Variants in CAMTA1 observed in about 807,000 individuals in gnomAD.
CAMTA1 encodes the protein calmodulin-binding transcription activator 1.
Under a neutral mutation model 170.9 loss-of-function variants are expected in CAMTA1, and 27 were observed. The ratio of observed to expected loss-of-function variants is 0.16; its 90% CI spans 0.12 to 0.22. The LOEUF (loss-of-function observed/expected upper bound fraction) is 0.22. Ranked by LOEUF, CAMTA1 falls within the 10% of genes least tolerant of loss-of-function variation. CAMTA1 has a pLI of 1.00. For synonymous variants in CAMTA1, 833 were observed against 891.5 expected (o/e 0.93, Z 1.17); for missense variants, 1,619 against 2,217.2 (o/e 0.73, Z 5.42).
chr1:7,691,747 C>CGAGA (rs144597291), intron 11 of CAMTA1, among the ~76,000 whole-genome samples: 1 of 151,014 alleles, frequency 6.6e-6, no homozygotes, highest in African/African-American at 2.4e-5. Context: ...GACAAGAGAG[C>CGAGA]GAGAGAGAGA....
chr1:6,846,603 T>G (rs1211491480), intron 3 of CAMTA1, among the ~76,000 whole-genome samples: 1 of 152,260 alleles, frequency 6.6e-6, no homozygotes, highest in Admixed American at 6.5e-5. Flanking sequence ...TTTGTCAACT[T>G]TTTAACTAAA....
At chr1:7,589,168 G>T (rs1254743032) in intron 6 of CAMTA1, among the ~76,000 whole-genome samples, 1 of 152,172 alleles carries the variant, frequency 6.6e-6, no homozygotes, top group East Asian at 1.9e-4. Context: ...GGCCGACAGG[G>T]TCAGGGTGTT....
At chr1:7,706,037 G>A (rs2096521413) in intron 11 of CAMTA1, among the ~76,000 whole-genome samples, 1 of 152,196 alleles carries the variant, frequency 6.6e-6, no homozygotes. Flanking sequence ...GTAGATTACT[G>A]CAGACATCAA....
chr1:6,953,269 G>A (rs954288629), intron 3 of CAMTA1, among the ~76,000 whole-genome samples: 9 of 152,164 alleles, frequency 5.9e-5, no homozygotes, highest in Non-Finnish European at 1.2e-4. Flanking sequence ...AGAAACTGTC[G>A]AGAGCTCTCT....
chr1:7,379,917 G>T (rs1050148163), intron 5 of CAMTA1, among the ~76,000 whole-genome samples: 3 of 152,334 alleles, frequency 2.0e-5, no homozygotes, highest in African/African-American at 7.2e-5. Flanking sequence ...GAGACTTGAG[G>T]CTGCGGCCAG....
At position 7,370,931 on chromosome 1, in the gene CAMTA1, A is replaced by ATTTTTTTTT. The variant is rs2086402729; in HGVS notation, c.439-96899_439-96898insTTTTTTTTT. Among the ~76,000 whole-genome samples the ATTTTTTTTT allele has an allele frequency of 2.8e-3, 313 of 113,516 alleles. 2 individuals are homozygous for ATTTTTTTTT. The highest frequency in any genetic ancestry group is 3.6e-3 in the Non-Finnish European group (214 of 59,446). The allele number at this position is 113,516 out of a possible 152,430, so 74.5% of individuals were successfully genotyped here. A position where few individuals can be genotyped will look rare whatever the true frequency, so the allele number is the denominator to read the frequency against. On this transcript the variant is annotated intron_variant, in intron 5 of 22. Coordinates refer to ENST00000303635, the MANE Select transcript of CAMTA1 (RefSeq NM_015215.4). ...CTTTCTTTCTTTTTTTTTTTTTTTG[A>ATTTTTTTTT]GACGGAGTCTCACTCTGTCGCCCAG...
chr1:7,114,447 G>GAA (rs35442405), intron 4 of CAMTA1, among the ~76,000 whole-genome samples: 262 of 137,214 alleles, frequency 1.9e-3, no homozygotes, highest in Non-Finnish European at 2.2e-3. Context: ...TGATAAGCCA[G>GAA]AAAAAACAAA....
At chr1:7,401,186 G>A (rs115442819) in intron 5 of CAMTA1, among the ~76,000 whole-genome samples, 248 of 152,002 alleles carry the variant, frequency 1.6e-3, no homozygotes, top group Middle Eastern at 6.8e-3. Context: ...ATTTGTATAC[G>A]GTGCAAGGTA....
chr1:7,583,109 C>A (rs565238057), intron 6 of CAMTA1, among the ~76,000 whole-genome samples: 1 of 152,048 alleles, frequency 6.6e-6, no homozygotes, highest in Non-Finnish European at 1.5e-5. Context: ...GGTGAGGCAG[C>A]GCCCTGTCTT....
At chr1:7,753,057 C>T (rs1193807108) in intron 21 of CAMTA1, among the ~76,000 whole-genome samples, 1 of 152,104 alleles carries the variant, frequency 6.6e-6, no homozygotes, top group African/African-American at 2.4e-5. Flanking sequence ...CAATTAAAGC[C>T]GGTCCGTGAT....
rs1652217894 is a variant in CAMTA1, at chr1:7,181,778, T to A, written c.303-67713T>A. 2.6e-5 allele frequency among the ~76,000 whole-genome samples: 3 copies of A among 113,392 alleles called. No homozygotes were observed. In the South Asian group the frequency reaches 7.9e-4, roughly 30 times the overall value. 74.4% of individuals were successfully genotyped at this position (113,392 alleles called of 152,430 possible). ...GGATTGATTTAACATCATAAAAAAGTTTGTCCCAAGTTAATTTATGAATTT... is the reference window on the plus strand; with the variant it reads ...GGATTGATTTAACATCATAAAAAAGATTGTCCCAAGTTAATTTATGAATTT... On this transcript the variant is annotated intron_variant, in intron 4 of 22. Coordinates refer to ENST00000303635, the MANE Select transcript of CAMTA1 (RefSeq NM_015215.4).
chr1:7,319,842 T>G (rs1486653456), intron 5 of CAMTA1, among the ~76,000 whole-genome samples: 1 of 151,102 alleles, frequency 6.6e-6, no homozygotes, highest in Non-Finnish European at 1.5e-5. Flanking sequence ...GTGGATGTTT[T>G]TGATGCTATA....
chr1:7,243,671 A>T (rs900189711), intron 4 of CAMTA1, among the ~76,000 whole-genome samples: 2 of 152,212 alleles, frequency 1.3e-5, no homozygotes, highest in Non-Finnish European at 2.9e-5. Flanking sequence ...TGACGCCTCC[A>T]GCTTTGTTCT....
At chr1:7,493,376 CACACAA>C (rs1309392967) in intron 6 of CAMTA1, among the ~76,000 whole-genome samples, 6 of 74,634 alleles carry the variant, frequency 8.0e-5, no homozygotes, top group African/African-American at 7.4e-4. Flanking sequence ...CACGTGCGCA[CACACAA>C]ACAAACACGT....
chr1:7,423,148 C>T (rs2091671907), intron 5 of CAMTA1, among the ~76,000 whole-genome samples: 1 of 152,208 alleles, frequency 6.6e-6, no homozygotes, highest in Non-Finnish European at 1.5e-5. Flanking sequence ...GGGCCTGGCC[C>T]CGGGCCAAGC....
chr1:7,130,820 C>T (rs1473918930), intron 4 of CAMTA1, among the ~76,000 whole-genome samples: 1 of 152,170 alleles, frequency 6.6e-6, no homozygotes, highest in African/African-American at 2.4e-5. Context: ...GTACATATTC[C>T]AATCTTTTGC....
At chr1:6,855,061 T>C (rs1661764077) in intron 3 of CAMTA1, among the ~76,000 whole-genome samples, 1 of 152,098 alleles carries the variant, frequency 6.6e-6, no homozygotes, top group African/African-American at 2.4e-5. Context: ...AGAATAAAAC[T>C]GTGATTTTGT....
chr1:7,025,990 G>A (rs1263528546), intron 3 of CAMTA1, among the ~76,000 whole-genome samples: 2 of 152,004 alleles, frequency 1.3e-5, no homozygotes, highest in Non-Finnish European at 2.9e-5. Context: ...TGTGATGGCG[G>A]ATGCCTGTGG....
chr1:6,990,785 GTCTCTC>G (rs373182830), intron 3 of CAMTA1, among the ~76,000 whole-genome samples: 4 of 141,474 alleles, frequency 2.8e-5, no homozygotes, highest in South Asian at 2.2e-4. Context: ...CTCTCTCTCT[GTCTCTC>G]TCTCTCTCTC....
Sources: allele counts gnomAD v4.1 joint callset (sites outside exome capture counted in the v4.1 genomes callset), GRCh38; gene constraint gnomAD v4.1.1; transcripts MANE v1.5; gene names NCBI Gene and HGNC (gene_info 2026-07-23, HGNC 2026-07-21).